CRISPLD1: variants seen among roughly 807,000 people sequenced by gnomAD.
The protein encoded by CRISPLD1 is cysteine-rich secretory protein LCCL domain-containing 1.
A neutral mutation model predicts 77.5 loss-of-function variants in CRISPLD1; 60 were observed. The ratio of observed to expected loss-of-function variants is 0.77; its 90% confidence interval spans 0.63 to 0.96. CRISPLD1 has a LOEUF of 0.96. Among genes scored for constraint, CRISPLD1 ranks in the 40% least tolerant of loss-of-function variants. CRISPLD1 has a pLI of 0.00. For synonymous variants in CRISPLD1, 195 were observed against 200.1 expected (o/e 0.97, Z 0.22); for missense variants, 623 against 615.8 (o/e 1.01, Z -0.12).
chr8:75,009,585 TA>T (rs77136798), intron 2 of CRISPLD1, among the ~76,000 whole-genome samples: 18,654 of 144,764 alleles, frequency 0.13, 1,682 homozygotes, highest in African/African-American at 0.26. Context: ...ATTGATATAT[TA>T]AAAAAAAAAA....
chr8:74,987,569 T>A (rs1263257647), intron 2 of CRISPLD1, among the ~76,000 whole-genome samples: 1 of 152,210 alleles, frequency 6.6e-6, no homozygotes, highest in Admixed American at 6.5e-5. Flanking sequence ...AAATATAATA[T>A]CTAAGGAAAT....
At chr8:75,013,641 T>A (rs1271214243) in intron 4 of CRISPLD1, among the ~76,000 whole-genome samples, 2 of 152,160 alleles carry the variant, frequency 1.3e-5, no homozygotes, top group Non-Finnish European at 2.9e-5. Flanking sequence ...ATTTGCTGTT[T>A]AGGATGTGAT....
intron 13 of CRISPLD1, among the ~76,000 whole-genome samples, chr8:75,028,604 CTT>C (rs1256459061): frequency 2.0e-5 from 3 of 152,158 alleles, no homozygotes; most frequent in Non-Finnish European, 4.4e-5. Flanking sequence ...AATGATCTGA[CTT>C]TTAGAATTCA....
In CRISPLD1 at chr8:75,022,133, A is replaced by C. The variant is rs187093466; in HGVS notation, c.1244+2054A>C. On this transcript the variant is annotated intron_variant, in intron 12 of 14. Transcript: ENST00000262207. ...ACATCGAAATAAGGAAAATGATATA[A>C]ATTTTTAAAATTCATTTTAGCCTTT... Among the ~76,000 whole-genome samples the C allele has an allele frequency of 9.6e-3, 1,468 of 152,336 alleles. 23 individuals carry two copies. Among genetic ancestry groups the C allele is most frequent in the African/African-American group, 0.033 (1,388 of 41,570 alleles).
At chr8:74,998,468 C>G (rs185505558) in intron 2 of CRISPLD1, among the ~76,000 whole-genome samples, 1 of 151,884 alleles carries the variant, frequency 6.6e-6, no homozygotes, top group Non-Finnish European at 1.5e-5. Context: ...GCAGGTGGAT[C>G]ACCTGAGGTC....
At chr8:75,023,957 G>A (rs1813187546) in intron 12 of CRISPLD1, among the ~76,000 whole-genome samples, 1 of 152,098 alleles carries the variant, frequency 6.6e-6, no homozygotes, top group Admixed American at 6.5e-5. Flanking sequence ...TGGTCATATT[G>A]TATTAGAGCC....
At position 75,014,024 on chromosome 8, in the gene CRISPLD1, T is replaced by C; in HGVS notation, c.548T>C (p.Ile183Thr). ...WATSNRIGCA[I>T]NLCHNMNIWG... ...ACTAGTAACAGAATCGGTTGTGCCA[T>C]TAATTTGTGTCATAACATGAACATC... is the stretch of plus-strand genomic sequence containing the variant. Residue 183 changes from isoleucine (I) to threonine (T), a missense_variant, in exon 5 of 15, where the codon ATT becomes ACT. By Grantham distance (89) the Ile-to-Thr change is moderately conservative. Coordinates refer to ENST00000262207, the MANE Select transcript of CRISPLD1 (RefSeq NM_031461.6). 1 of 1,613,254 alleles carries C rather than the reference T, an allele frequency of 6.2e-7. No individual in the cohort carries two copies. The highest frequency in any genetic ancestry group is 8.5e-7 in the Non-Finnish European group (1 of 1,179,418).
rs192023875 is a variant in CRISPLD1, at chr8:75,008,917, A to G, written c.259-3516A>G. ...TGTTTTACGTTTTATTCCGATTTCT[A>G]TACAACAGAAATATAAGCAAACTTG... On this transcript the variant is annotated intron_variant, in intron 2 of 14. Transcript: ENST00000262207. 3.1e-3 allele frequency among the ~76,000 whole-genome samples: 472 copies of G among 152,308 alleles called. 2 individuals carry two copies. The highest frequency in any genetic ancestry group is 3.9e-3 in the Non-Finnish European group (263 of 68,010).
At chr8:75,026,574 A>G (rs929780865) in intron 13 of CRISPLD1, 5 of 152,228 alleles carry the variant, frequency 3.3e-5, no homozygotes, top group African/African-American at 9.6e-5. Flanking sequence ...CAGTGTGTAG[A>G]CAAAGTCTGA....
Position 75,012,987 on chromosome 8 carries a change from A to G in CRISPLD1, c.475A>G (p.Arg159Gly). The change falls in exon 4 of 15, where the codon AGG (arginine) becomes GGG (glycine). Residue 159 changes from arginine to glycine, a missense_variant. Arg to Gly is a moderately radical substitution (Grantham distance 125). Coordinates refer to ENST00000262207, the MANE Select transcript of CRISPLD1 (RefSeq NM_031461.6). Reference protein sequence around the residue: ...EHECNPYCPFRCSGPVCTHYT... With the variant: ...EHECNPYCPFGCSGPVCTHYT... The stretch of plus-strand genomic sequence containing the variant: ...TGAATGCAACCCATATTGTCCATTC[A>G]GGTGTTCTGGCCCTGTATGTACACA... 1.2e-6 allele frequency: 2 copies of G among 1,612,614 alleles called. No individual in the cohort carries two copies. The highest frequency in any genetic ancestry group is 1.3e-5 in the African/African-American group (1 of 74,974).
At position 75,023,008 on chromosome 8, in the gene CRISPLD1, A is replaced by G. The variant is rs1247994657; in HGVS notation, c.1245-2538A>G. ...ATCTTTAAAATTTATTGAATGCTCA[A>G]GATGTAAAAGTAGATATTAAAGTAT... On this transcript the variant is annotated intron_variant, in intron 12 of 14. Coordinates refer to ENST00000262207, the MANE Select transcript of CRISPLD1 (RefSeq NM_031461.6). Among the ~76,000 whole-genome samples the G allele has an allele frequency of 2.6e-5, 4 of 151,960 alleles. No individual in the cohort carries two copies. The East Asian group carries it at 7.7e-4, about 29-fold the overall frequency.
At chr8:75,013,404 G>T (rs994129315) in intron 4 of CRISPLD1, among the ~76,000 whole-genome samples, 2 of 151,728 alleles carry the variant, frequency 1.3e-5, no homozygotes. Flanking sequence ...TTTATATTTC[G>T]TGTTCACAAT....
At chr8:75,025,660 A>G in intron 13 of CRISPLD1, 39 bp downstream of exon 13, 1 of 1,019,804 alleles carries the variant, frequency 9.8e-7, no homozygotes, top group Non-Finnish European at 1.5e-6. Context: ...ACATTCATGT[A>G]TATATATAAA....
At chr8:74,990,294 AAAAG>A (rs368631924) in intron 2 of CRISPLD1, among the ~76,000 whole-genome samples, 1,810 of 152,152 alleles carry the variant, frequency 0.012, 16 homozygotes, top group Middle Eastern at 0.027. Context: ...TAAAAAAAAA[AAAAG>A]AAAACAAACC....
At chr8:75,003,372 T>G (rs918075739) in intron 2 of CRISPLD1, among the ~76,000 whole-genome samples, 122 of 152,326 alleles carry the variant, frequency 8.0e-4, no homozygotes, top group African/African-American at 2.8e-3. Context: ...TTTTATTTCA[T>G]TTTGAAAATT....
chr8:75,028,970 A>G (rs1813283278), intron 13 of CRISPLD1, among the ~76,000 whole-genome samples: 1 of 152,202 alleles, frequency 6.6e-6, no homozygotes, highest in Non-Finnish European at 1.5e-5. Flanking sequence ...TACATGAGGG[A>G]TGAATAATCT....
chr8:75,027,127 G>T (rs1295124782), intron 13 of CRISPLD1, among the ~76,000 whole-genome samples: 1 of 152,052 alleles, frequency 6.6e-6, no homozygotes, highest in Non-Finnish European at 1.5e-5. Context: ...TGGGTATTAT[G>T]ATTATTACCG....
chr8:74,999,396 C>T (rs1207335855), intron 2 of CRISPLD1, among the ~76,000 whole-genome samples: 1 of 152,118 alleles, frequency 6.6e-6, no homozygotes, highest in Non-Finnish European at 1.5e-5. Context: ...ATATTTTTGT[C>T]ATGGCAAAGC....
At chr8:75,030,680 A>ATATGTG (rs1554535315) in intron 14 of CRISPLD1, among the ~76,000 whole-genome samples, 1 of 146,466 alleles carries the variant, frequency 6.8e-6, no homozygotes, top group Non-Finnish European at 1.5e-5. Context: ...CCGGAGATAT[A>ATATGTG]TGTGTGTGTG....
Sources: allele counts gnomAD v4.1 joint callset (sites outside exome capture counted in the v4.1 genomes callset), GRCh38; gene constraint gnomAD v4.1.1; transcripts MANE v1.5; gene names NCBI Gene and HGNC (gene_info 2026-07-23, HGNC 2026-07-21).